Variants in PLCB1 observed in about 807,000 individuals in gnomAD.
PLCB1 encodes 1-phosphatidylinositol 4,5-bisphosphate phosphodiesterase beta-1.
In PLCB1, 46 loss-of-function variants were observed where a neutral mutation model predicts 161.8. The ratio of observed to expected loss-of-function variants is 0.28; its 90% CI spans 0.22 to 0.36. The LOEUF is 0.36. Among genes scored for constraint, PLCB1 ranks in the 10% least tolerant of loss-of-function variants. The pLI is 1.00. For missense variants in PLCB1, 1,016 were observed against 1,472.5 expected (o/e 0.69, Z 5.07); for synonymous variants, 517 against 503.7 (o/e 1.03, Z -0.35).
chr20:8,369,776 G>C (rs760680814), intron 2 of PLCB1, among the ~76,000 whole-genome samples: 1 of 152,198 alleles, frequency 6.6e-6, no homozygotes, highest in Non-Finnish European at 1.5e-5. Context: ...GAGTGAGCAA[G>C]AGCAGAGACC....
chr20:8,541,162 A>C (rs557840224), intron 3 of PLCB1, among the ~76,000 whole-genome samples: 32 of 152,272 alleles, frequency 2.1e-4, no homozygotes, highest in African/African-American at 7.5e-4. Context: ...TATGAGTAGA[A>C]ATTAGGAATT....
chr20:8,371,408 T>G lies in PLCB1; in HGVS notation c.204T>G (p.Leu68=), dbSNP rs1208846849. 1.9e-6 allele frequency: 3 copies of G among 1,613,878 alleles called. No homozygotes were observed. The South Asian group carries it at 3.3e-5, about 18-fold the overall frequency. Residue 68 remains leucine (L), a synonymous_variant, in exon 3 of 32, where the codon CTT becomes CTG. Transcript: ENST00000338037. Reference sequence around the variant, plus strand: ...AGACAGAGCTACTGGATCTCAGCCTTGTCAAAGATGCCAGATGTGGGAGAC... The same window carrying G: ...AGACAGAGCTACTGGATCTCAGCCTGGTCAAAGATGCCAGATGTGGGAGAC... ...NKETELLDLS[L]VKDARCGRHA... is the part of the protein sequence containing the mutation.
chr20:8,551,436 C>A (rs923072232), intron 3 of PLCB1, among the ~76,000 whole-genome samples: 4 of 152,192 alleles, frequency 2.6e-5, no homozygotes, highest in Non-Finnish European at 5.9e-5. Flanking sequence ...TTTCCTTTTT[C>A]ATGGCAATCA....
chr20:8,185,248 C>T (rs959597908), intron 2 of PLCB1, among the ~76,000 whole-genome samples: 1 of 152,128 alleles, frequency 6.6e-6, no homozygotes, highest in African/African-American at 2.4e-5. Context: ...CTTTTCTGGG[C>T]ATTTATCTTT....
At chr20:8,254,701 C>T (rs1981323643) in intron 2 of PLCB1, among the ~76,000 whole-genome samples, 3 of 151,988 alleles carry the variant, frequency 2.0e-5, no homozygotes, top group South Asian at 2.1e-4. Context: ...TATACCGCTA[C>T]GAGGCACTTT....
chr20:8,733,888 G>A (rs1285214187), intron 19 of PLCB1, among the ~76,000 whole-genome samples: 2 of 149,402 alleles, frequency 1.3e-5, no homozygotes, highest in Non-Finnish European at 3.0e-5. Flanking sequence ...TTGGGAGGCC[G>A]AGGCAGGTGG....
At chr20:8,240,941 G>T (rs981714074) in intron 2 of PLCB1, among the ~76,000 whole-genome samples, 1 of 151,914 alleles carries the variant, frequency 6.6e-6, no homozygotes, top group Non-Finnish European at 1.5e-5. Context: ...TTAAATCAAT[G>T]AGTTGAATAC....
intron 3 of PLCB1, among the ~76,000 whole-genome samples, chr20:8,402,712 G>A (rs978487546): frequency 6.6e-6 from 1 of 151,630 alleles, no homozygotes; most frequent in Non-Finnish European, 1.5e-5. Context: ...AGGCGTGGTG[G>A]TGGGCGCCTG....
At position 8,325,181 on chromosome 20, in the gene PLCB1, T is replaced by C. The variant is rs1403900133; in HGVS notation, c.178-46201T>C. On this transcript the variant is annotated intron_variant, in intron 2 of 31. Coordinates refer to ENST00000338037, the MANE Select transcript of PLCB1 (RefSeq NM_015192.4). ...AAGAAGTGACTGAAAACTATAGCAC[T>C]GGTTTTTCTTGGTTGGATGAATTAA... 2.0e-5 allele frequency among the ~76,000 whole-genome samples: 3 copies of C among 152,208 alleles called. No individual in the cohort carries two copies. In the East Asian group the frequency reaches 5.8e-4, roughly 29 times the overall value.
intron 2 of PLCB1, among the ~76,000 whole-genome samples, chr20:8,216,938 C>T (rs1274802818): frequency 6.6e-6 from 1 of 152,110 alleles, no homozygotes; most frequent in East Asian, 1.9e-4. Flanking sequence ...TGGCAGATAC[C>T]TCCTATTCTC....
At chr20:8,724,178 T>TA (rs3034831) in intron 15 of PLCB1, among the ~76,000 whole-genome samples, 7,852 of 147,820 alleles carry the variant, frequency 0.053, 251 homozygotes, top group African/African-American at 0.092. Flanking sequence ...TTTATTTATA[T>TA]AAAAAAAAAA....
intron 2 of PLCB1, among the ~76,000 whole-genome samples, chr20:8,166,922 A>G (rs1406120759): frequency 1.3e-5 from 2 of 152,164 alleles, no homozygotes; most frequent in East Asian, 1.9e-4. Context: ...CACAGTTGTA[A>G]TCAAATGTTT....
chr20:8,837,262 A>G (rs752672694), intron 31 of PLCB1, among the ~76,000 whole-genome samples: 1 of 152,184 alleles, frequency 6.6e-6, no homozygotes, highest in Non-Finnish European at 1.5e-5. Flanking sequence ...ATTCAAGTCC[A>G]AAGAGGCCCC....
At chr20:8,348,392 G>C (rs1401794626) in intron 2 of PLCB1, among the ~76,000 whole-genome samples, 2 of 152,304 alleles carry the variant, frequency 1.3e-5, no homozygotes, top group Non-Finnish European at 2.9e-5. Flanking sequence ...GTGCCTCTGA[G>C]CTAAATTCTG....
chr20:8,608,760 G>C (rs369256034), intron 3 of PLCB1, among the ~76,000 whole-genome samples: 17 of 152,192 alleles, frequency 1.1e-4, no homozygotes, highest in Admixed American at 9.8e-4. Context: ...ATGAAGGAAT[G>C]AGGATAAGAA....
At chr20:8,254,159 G>A (rs897160179) in intron 2 of PLCB1, among the ~76,000 whole-genome samples, 4 of 151,794 alleles carry the variant, frequency 2.6e-5, no homozygotes, top group African/African-American at 9.7e-5. Flanking sequence ...AAATCTTCAC[G>A]TGACTCTTGG....
intron 2 of PLCB1, among the ~76,000 whole-genome samples, chr20:8,218,960 T>C (rs1333277407): frequency 6.6e-6 from 1 of 152,180 alleles, no homozygotes; most frequent in Non-Finnish European, 1.5e-5. Context: ...AGTTTTATTC[T>C]ACACTGGATT....
chr20:8,646,391 G>A (rs1325130716), intron 5 of PLCB1, among the ~76,000 whole-genome samples: 1 of 152,218 alleles, frequency 6.6e-6, no homozygotes, highest in African/African-American at 2.4e-5. Context: ...CTGCACATCT[G>A]TGTTACACCT....
intron 3 of PLCB1, among the ~76,000 whole-genome samples, chr20:8,622,110 G>A (rs1386545180): frequency 6.6e-6 from 1 of 151,908 alleles, no homozygotes; most frequent in Admixed American, 6.6e-5. Flanking sequence ...AAATTTAGGG[G>A]GTGGTTGGTG....
Sources: allele counts gnomAD v4.1 joint callset (sites outside exome capture counted in the v4.1 genomes callset), GRCh38; gene constraint gnomAD v4.1.1; transcripts MANE v1.5; gene names NCBI Gene and HGNC (gene_info 2026-07-23, HGNC 2026-07-21).